Variants in EBAG9 observed in about 807,000 individuals in gnomAD.
The protein encoded by EBAG9 is estrogen receptor binding site associated antigen 9.
A neutral mutation model predicts 30.9 loss-of-function variants in EBAG9; 16 were observed. That is an observed-to-expected ratio of 0.52 (90% confidence interval 0.35 to 0.79). The LOEUF (loss-of-function observed/expected upper bound fraction) is 0.79, where lower values mean the gene tolerates loss of function less well. EBAG9 is among the 30% of genes least tolerant of loss of function. EBAG9 has a pLI of 0.01. For missense variants in EBAG9, 197 were observed against 242.1 expected, an observed-to-expected ratio of 0.81 and a Z score of 1.24; for synonymous variants, 93 against 82.8, an observed-to-expected ratio of 1.12 and a Z score of -0.67.
At chr8:109,540,536 CCTTTT>C (rs1821252454) in intron 1 of EBAG9, 75 bp downstream of exon 1, 1 of 150,724 alleles carries the variant, frequency 6.6e-6, no homozygotes, top group South Asian at 2.2e-4. Context: ...GAAACTCTTT[CCTTTT>C]GAGTTATTCT....
chr8:109,564,519 TGAA>T lies in EBAG9; in HGVS notation c.607_609del (p.Lys203del), dbSNP rs1235186300. The T allele has an allele frequency of 1.2e-6, 2 of 1,612,668 alleles. No individual in the cohort carries two copies. The highest frequency in any genetic ancestry group is 1.7e-5 in the Admixed American group (1 of 59,930). Reference sequence around the variant, plus strand: ...ATGGAAAAGGAAGCACAACGGCTAATGAAGAAGGAACAAAACAAAATTGGTGTG... The same window carrying T: ...ATGGAAAAGGAAGCACAACGGCTAATGAAGGAACAAAACAAAATTGGTGTG... On this transcript the variant is annotated inframe_deletion, in exon 7 of 7. Coordinates refer to ENST00000337573, the MANE Select transcript of EBAG9 (RefSeq NM_004215.5).
At chr8:109,557,519 G>C (rs1363401975) in intron 5 of EBAG9, among the ~76,000 whole-genome samples, 1 of 152,112 alleles carries the variant, frequency 6.6e-6, no homozygotes, top group Admixed American at 6.6e-5. Context: ...CAGCTTTGGA[G>C]GTTTTTTAAA....
chr8:109,562,377 A>T (rs1821728384), intron 6 of EBAG9, among the ~76,000 whole-genome samples: 1 of 152,118 alleles, frequency 6.6e-6, no homozygotes, highest in Non-Finnish European at 1.5e-5. Flanking sequence ...ACAGCTTGGG[A>T]GAGTGAGATT....
intron 1 of EBAG9, among the ~76,000 whole-genome samples, chr8:109,540,906 A>AT (rs1285111461): frequency 3.1e-4 from 47 of 152,284 alleles, no homozygotes; most frequent in South Asian, 1.0e-3. Flanking sequence ...CCGAACATAG[A>AT]TTTTGGCTTT....
intron 3 of EBAG9, 35 bp from the exon 4 acceptor site, chr8:109,554,694 C>G: frequency 6.3e-7 from 1 of 1,594,880 alleles, no homozygotes; most frequent in Non-Finnish European, 8.6e-7. Flanking sequence ...TAAGTTGCCC[C>G]TTTGTGGCTG....
At chr8:109,548,190 T>C (rs1821423551) in intron 1 of EBAG9, among the ~76,000 whole-genome samples, 1 of 152,158 alleles carries the variant, frequency 6.6e-6, no homozygotes, top group Non-Finnish European at 1.5e-5. Context: ...AGGTTTTTGT[T>C]TTGATTTTTT....
At chr8:109,550,677 A>G (rs1821474937) in intron 1 of EBAG9, 133 bp from the exon 2 acceptor site, 1 of 578,126 alleles carries the variant, frequency 1.7e-6, no homozygotes, top group Non-Finnish European at 3.0e-6. Flanking sequence ...TTTAAAATTT[A>G]CTGTGTTATA....
At chr8:109,545,135 A>T (rs1821356697) in intron 1 of EBAG9, among the ~76,000 whole-genome samples, 1 of 151,794 alleles carries the variant, frequency 6.6e-6, no homozygotes, top group South Asian at 2.1e-4. Flanking sequence ...TAGCCTGGCC[A>T]ACATGCTGAA....
chr8:109,547,947 T>C (rs1586687414), intron 1 of EBAG9, among the ~76,000 whole-genome samples: 1 of 152,198 alleles, frequency 6.6e-6, no homozygotes, highest in African/African-American at 2.4e-5. Context: ...TGATTTGTCT[T>C]TTCATTCCAT....
chr8:109,564,440 C>G lies in EBAG9; in HGVS notation c.523C>G (p.Gln175Glu). 2 of 1,611,134 alleles carry G rather than the reference C, an allele frequency of 1.2e-6. No individual in the cohort carries two copies. Among genetic ancestry groups the G allele is most frequent in the Non-Finnish European group, 1.7e-6 (2 of 1,178,460 alleles). ...AAGTAAAAGTATGTTTCTTTTCAGA[C>G]AGCAGAAACTAGCAGACAGAGAAAA... Reference protein sequence around the residue: ...AAWQAEEVLRQQKLADREKRA... With the variant: ...AAWQAEEVLREQKLADREKRA... The change falls in exon 7 of 7, where the codon CAG (glutamine) becomes GAG (glutamate). Residue 175 changes from glutamine (Q) to glutamate (E), a missense_variant and splice_region_variant. Coordinates refer to ENST00000337573, the MANE Select transcript of EBAG9 (RefSeq NM_004215.5).
chr8:109,544,809 T>C (rs946847209), intron 1 of EBAG9, among the ~76,000 whole-genome samples: 1 of 152,210 alleles, frequency 6.6e-6, no homozygotes, highest in Non-Finnish European at 1.5e-5. Flanking sequence ...TTTCCCTCTT[T>C]CGTGTGTATT....
chr8:109,559,260 C>A (rs1030774052), intron 5 of EBAG9, among the ~76,000 whole-genome samples: 2 of 152,086 alleles, frequency 1.3e-5, no homozygotes, highest in African/African-American at 4.8e-5. Flanking sequence ...AATTCGAGAC[C>A]AGCCTAGGCA....
Position 109,551,450 on chromosome 8 carries a change from G to A in EBAG9, c.83+543G>A, listed in dbSNP as rs1233463413. On this transcript the variant is annotated intron_variant, in intron 2 of 6. Transcript: ENST00000337573. ...TTCAGTTCCTTCTGTTTTGTCACACGATCATACCCAAGAGCTATGATGTCT... is the reference window on the plus strand; with the variant it reads ...TTCAGTTCCTTCTGTTTTGTCACACAATCATACCCAAGAGCTATGATGTCT... 4.6e-5 allele frequency among the ~76,000 whole-genome samples: 7 copies of A among 152,048 alleles called. No individual in the cohort carries two copies. In the South Asian group the frequency reaches 8.3e-4, roughly 18 times the overall value.
chr8:109,553,290 T>G (rs1161327324), intron 2 of EBAG9, among the ~76,000 whole-genome samples: 1 of 152,210 alleles, frequency 6.6e-6, no homozygotes, highest in Non-Finnish European at 1.5e-5. Flanking sequence ...CTAGACATAA[T>G]AGAAGTAACA....
intron 1 of EBAG9, among the ~76,000 whole-genome samples, chr8:109,545,419 A>G (rs1168434473): frequency 7.6e-6 from 1 of 131,132 alleles, no homozygotes; most frequent in South Asian, 2.9e-4. Context: ...GCTGGAGTGC[A>G]GTCATGTGAT....
chr8:109,559,107 A>T (rs1821661236), intron 5 of EBAG9, among the ~76,000 whole-genome samples: 1 of 152,178 alleles, frequency 6.6e-6, no homozygotes. Flanking sequence ...ATGAATGGGA[A>T]ATTTACAAAT....
chr8:109,550,858 TG>T lies in EBAG9; in HGVS notation c.35del (p.Cys12LeufsTer4). 1 of 1,603,626 alleles carries T rather than the reference TG, an allele frequency of 6.2e-7. No homozygotes were observed. The highest frequency in any genetic ancestry group is 8.5e-7 in the Non-Finnish European group (1 of 1,173,564). Reference sequence around the variant, plus strand: ...CACCCAGTTTCGGTTATTTAAATTTTGTACCTGCCTAGCAACAGTATTCTCA... The same window carrying T: ...CACCCAGTTTCGGTTATTTAAATTTTTACCTGCCTAGCAACAGTATTCTCA... ...AITQFRLFKF[C>X]TCLATVFSFL... is the part of the protein sequence containing the mutation. On this transcript the variant is annotated frameshift_variant, in exon 2 of 7. Coordinates refer to ENST00000337573, the MANE Select transcript of EBAG9 (RefSeq NM_004215.5). LOFTEE classifies it high-confidence loss of function.
chr8:109,550,986 G>A, intron 2 of EBAG9, 79 bp downstream of exon 2: 1 of 888,328 alleles, frequency 1.1e-6, no homozygotes, highest in Non-Finnish European at 1.8e-6. Context: ...AAATTTCGTG[G>A]ACAGGACAGG....
At position 109,557,982 on chromosome 8, in the gene EBAG9, G is replaced by A. The variant is rs1195879554; in HGVS notation, c.429+940G>A. The stretch of plus-strand genomic sequence containing the variant: ...GAGGGTGACACCACAATGCCTTTTT[G>A]TGATGTGGTTTTATAAGTGATACAC... On this transcript the variant is annotated intron_variant, in intron 5 of 6. Transcript: ENST00000337573. 13 of 187,366 alleles carry A rather than the reference G, an allele frequency of 6.9e-5. 1 individual carries two copies. Among genetic ancestry groups the A allele is most frequent in the Non-Finnish European group, 3.5e-5 (3 of 86,324 alleles). 11.6% of individuals were successfully genotyped at this position (187,366 alleles called of 1,614,324 possible). A position where few individuals can be genotyped will look rare whatever the true frequency, so the allele number is the denominator to read the frequency against.
Sources: allele counts gnomAD v4.1 joint callset (sites outside exome capture counted in the v4.1 genomes callset), GRCh38; gene constraint gnomAD v4.1.1; transcripts MANE v1.5; gene names NCBI Gene and HGNC (gene_info 2026-07-23, HGNC 2026-07-21).